PPP1CA: variants seen among roughly 807,000 people sequenced by gnomAD.
The protein encoded by PPP1CA is serine/threonine-protein phosphatase PP1-alpha catalytic subunit.
Under a neutral mutation model 38.5 loss-of-function variants are expected in PPP1CA, and 14 were observed. The observed-to-expected ratio is 0.36, with a 90% CI of 0.24 to 0.57. PPP1CA has a LOEUF of 0.57. Ranked by LOEUF, PPP1CA falls within the 20% of genes least tolerant of loss-of-function variation. The pLI is 0.80. For missense variants in PPP1CA, 277 were observed against 435.2 expected, an observed-to-expected ratio of 0.64 and a Z score of 3.23; for synonymous variants, 200 against 177.3, an observed-to-expected ratio of 1.13 and a Z score of -1.02.
At chr11:67,401,333 T>G in intron 1 of PPP1CA, 134 bp from the exon 2 acceptor site, 1 of 1,466,734 alleles carries the variant, frequency 6.8e-7, no homozygotes, top group South Asian at 1.2e-5. Flanking sequence ...CTGTTGCTGC[T>G]GAGCCTCCCG....
At chr11:67,401,663 G>C in intron 1 of PPP1CA, 65 bp downstream of exon 1, 2 of 1,240,340 alleles carry the variant, frequency 1.6e-6, no homozygotes, top group Non-Finnish European at 2.0e-6. Flanking sequence ...CCGCCCGCGC[G>C]CCACTTCCGG....
chr11:67,401,487 G>A, intron 1 of PPP1CA: 2 of 581,546 alleles, frequency 3.4e-6, no homozygotes, highest in Non-Finnish European at 5.8e-6. Flanking sequence ...TTTCTCCCTC[G>A]CCCCAAGAGC....
Position 67,399,075 on chromosome 11 carries a change from C to T in PPP1CA, c.612G>A (p.Leu204=). The change falls in exon 5 of 7, where the codon CTG becomes CTA. Residue 204 remains leucine, a synonymous_variant. Transcript: ENST00000376745. The part of the protein sequence containing the change: ...DVPDQGLLCD[L]LWSDPDKDVQ... Reference sequence around the variant, plus strand: ...CGTCCTTGTCAGGGTCAGACCACAGCAGGTCACACAGCAGGCCCTGGTCAG... The same window carrying T: ...CGTCCTTGTCAGGGTCAGACCACAGTAGGTCACACAGCAGGCCCTGGTCAG... 6.2e-7 allele frequency: 1 copy of T among 1,613,688 alleles called. No homozygotes were observed. The highest frequency in any genetic ancestry group is 8.5e-7 in the Non-Finnish European group (1 of 1,180,044).
chr11:67,401,631 A>G, intron 1 of PPP1CA, 97 bp downstream of exon 1: 2 of 1,078,184 alleles, frequency 1.9e-6, no homozygotes, highest in Non-Finnish European at 2.4e-6. Flanking sequence ...GTCCCCGCCC[A>G]GTCTAAGCTG....
At position 67,399,632 on chromosome 11, in the gene PPP1CA, G is replaced by C. The variant is rs758799561; in HGVS notation, c.452C>G (p.Thr151Ser). ...CAGGCAGTTGAAGCAGTCAGTGAAG[G>C]TTTTCCACAGTTTGATGTTGTAGCG... ...KRRYNIKLWK[T>S]FTDCFNCLPI... is the part of the protein sequence containing the mutation. The change falls in exon 4 of 7, where the codon ACC becomes AGC. Residue 151 changes from threonine (T) to serine (S), a missense_variant. Thr to Ser is a moderately conservative substitution (Grantham distance 58). Around this residue, in one of 3 missense-constraint regions of PPP1CA, gnomAD observed 180 missense variants for 356.7 expected, o/e 0.50. Coordinates refer to ENST00000376745, the MANE Select transcript of PPP1CA (RefSeq NM_002708.4). The C allele has an allele frequency of 6.2e-7, 1 of 1,613,964 alleles. No individual in the cohort carries two copies. The highest frequency in any genetic ancestry group is 2.2e-5 in the East Asian group (1 of 44,902).
At position 67,399,563 on chromosome 11, in the gene PPP1CA, C is replaced by T; in HGVS notation, c.521G>A (p.Gly174Glu). 1.9e-6 allele frequency: 3 copies of T among 1,613,956 alleles called. No homozygotes were observed. Among genetic ancestry groups the T allele is most frequent in the Non-Finnish European group, 2.5e-6 (3 of 1,179,870 alleles). ...TCCCCAGCCATCCCCTCCCTCACCT[C>T]CGTGGCAGCAGAAGATCTTTTCGTC... is the stretch of plus-strand genomic sequence containing the variant. ...IVDEKIFCCHGGLSPDLQSME... is the reference protein window; with the variant it reads ...IVDEKIFCCHEGLSPDLQSME... Residue 174 changes from glycine to glutamate, a missense_variant and splice_region_variant, in exon 4 of 7, where the codon GGA (glycine) becomes GAA (glutamate). Physicochemically the swap from Gly to Glu is moderately conservative, Grantham distance 98. Transcript: ENST00000376745.
chr11:67,401,661 G>A (rs900271040), intron 1 of PPP1CA, 67 bp downstream of exon 1: 70 of 1,232,372 alleles, frequency 5.7e-5, no homozygotes, highest in Non-Finnish European at 6.9e-5. Context: ...GCCCGCCCGC[G>A]CGCCACTTCC....
rs781309349 is a variant in PPP1CA, at chr11:67,398,455, G to A, written c.*80C>T. 9.0e-6 allele frequency: 13 copies of A among 1,439,810 alleles called. No individual in the cohort carries two copies. Among genetic ancestry groups the A allele is most frequent in the African/African-American group, 2.8e-5 (2 of 70,978 alleles). The allele number at this position is 1,439,810 out of a possible 1,614,324, so 89.2% of individuals were successfully genotyped here. A position where few individuals can be genotyped will look rare whatever the true frequency, so the allele number is the denominator to read the frequency against. ...CCGTGACAGGTGGGCCTGAGGGGTCGGGGTGACCCCCCCCCAGCATGGCAG... is the reference window on the plus strand; with the variant it reads ...CCGTGACAGGTGGGCCTGAGGGGTCAGGGTGACCCCCCCCCAGCATGGCAG... On this transcript the variant is annotated 3_prime_UTR_variant, in exon 7 of 7. Coordinates refer to ENST00000376745, the MANE Select transcript of PPP1CA (RefSeq NM_002708.4).
intron 4 of PPP1CA, 114 bp downstream of exon 4, chr11:67,399,447 G>T: frequency 1.1e-6 from 1 of 921,610 alleles, no homozygotes; most frequent in Non-Finnish European, 1.7e-6. Context: ...AGCACAGTGG[G>T]GTATGGGGGA....
intron 3 of PPP1CA, among the ~76,000 whole-genome samples, chr11:67,400,420 A>G (rs1862860048): frequency 6.6e-6 from 1 of 152,194 alleles, no homozygotes; most frequent in Non-Finnish European, 1.5e-5. Context: ...AAACATCCTA[A>G]GTGCTTAGTA....
At chr11:67,400,941 A>G (rs1462219366) in intron 2 of PPP1CA, 22 bp from the exon 3 acceptor site, 1 of 1,611,650 alleles carries the variant, frequency 6.2e-7, no homozygotes, top group Non-Finnish European at 8.5e-7. Flanking sequence ...GGAACCGGGT[A>G]AGCTAGATGC....
At position 67,399,676 on chromosome 11, in the gene PPP1CA, G is replaced by T. The variant is rs1306282210; in HGVS notation, c.419-11C>A. On this transcript the variant is annotated splice_polypyrimidine_tract_variant and intron_variant, in intron 3 of 6. Transcript: ENST00000376745. ...TGTAGCGTCTCTTGCCTGCCCAGGG[G>T]GAGGTGGCTGTGAGGTGCCTGCCTA... 4 of 1,607,916 alleles carry T rather than the reference G, an allele frequency of 2.5e-6. No individual in the cohort carries two copies. The highest frequency in any genetic ancestry group is 3.4e-6 in the Non-Finnish European group (4 of 1,176,630).
chr11:67,398,468 C>CA lies in PPP1CA; in HGVS notation c.*66_*67insT. 6.6e-7 allele frequency: 1 copy of CA among 1,520,954 alleles called. No homozygotes were observed. The highest frequency in any genetic ancestry group is 9.0e-7 in the Non-Finnish European group (1 of 1,108,262). The allele number at this position is 1,520,954 out of a possible 1,614,324, so 94.2% of individuals were successfully genotyped here. ...GCCTGAGGGGTCGGGGTGACCCCCC[C>CA]CCAGCATGGCAGCATGATTTCTGTA... On this transcript the variant is annotated 3_prime_UTR_variant, in exon 7 of 7. Coordinates refer to ENST00000376745, the MANE Select transcript of PPP1CA (RefSeq NM_002708.4).
In PPP1CA at chr11:67,399,175, G is replaced by A. The variant is rs760887946; in HGVS notation, c.524-12C>T. 1 of 1,608,490 alleles carries A rather than the reference G, an allele frequency of 6.2e-7. No homozygotes were observed. Among genetic ancestry groups the A allele is most frequent in the Non-Finnish European group, 8.5e-7 (1 of 1,176,110 alleles). On this transcript the variant is annotated splice_polypyrimidine_tract_variant and intron_variant, in intron 4 of 6. Transcript: ENST00000376745. The stretch of plus-strand genomic sequence containing the variant: ...GTCCGGGGACAGGCCTGGGGGGCCG[G>A]GGGAAGGTCACTTCCTCAAACAAGG...
In PPP1CA at chr11:67,398,227, C is replaced by T. The variant is rs765380880; in HGVS notation, c.*308G>A. 7 of 422,058 alleles carry T rather than the reference C, an allele frequency of 1.7e-5. No individual in the cohort carries two copies. The highest frequency in any genetic ancestry group is 3.0e-5 in the Non-Finnish European group (7 of 233,840). 26.1% of individuals were successfully genotyped at this position (422,058 alleles called of 1,614,324 possible). A position where few individuals can be genotyped will look rare whatever the true frequency, so the allele number is the denominator to read the frequency against. On this transcript the variant is annotated 3_prime_UTR_variant, in exon 7 of 7. Coordinates refer to ENST00000376745, the MANE Select transcript of PPP1CA (RefSeq NM_002708.4). ...TTATTCAAGAGACCAGATGGGTTGC[C>T]CCAGGATCCGGCTGCCAGCCCTGAG... is the stretch of plus-strand genomic sequence containing the variant.
chr11:67,399,153 C>G lies in PPP1CA; in HGVS notation c.534G>C (p.Pro178=). 1 of 1,613,016 alleles carries G rather than the reference C, an allele frequency of 6.2e-7. No homozygotes were observed. Among genetic ancestry groups the G allele is most frequent in the Non-Finnish European group, 8.5e-7 (1 of 1,179,762 alleles). Residue 178 remains proline (P), a synonymous_variant, in exon 5 of 7, where the codon CCG becomes CCC. Coordinates refer to ENST00000376745, the MANE Select transcript of PPP1CA (RefSeq NM_002708.4). ...KIFCCHGGLS[P]DLQSMEQIRR... Reference sequence around the variant, plus strand: ...GAATCTGCTCCATAGACTGCAGGTCCGGGGACAGGCCTGGGGGGCCGGGGG... The same window carrying G: ...GAATCTGCTCCATAGACTGCAGGTCGGGGGACAGGCCTGGGGGGCCGGGGG...
Position 67,401,101 on chromosome 11 carries a change from G to A in PPP1CA, c.154C>T (p.Leu52Phe), listed in dbSNP as rs781160417. Residue 52 changes from leucine (L) to phenylalanine (F), a missense_variant, in exon 2 of 7, where the codon CTT (leucine) becomes TTT (phenylalanine). Transcript: ENST00000376745. ...SREIFLSQPI[L>F]LELEAPLKIC... Reference sequence around the variant, plus strand: ...TTGAGGGGTGCCTCCAGCTCCAGAAGAATGGGCTGGCTCAGAAAAATCTCC... The same window carrying A: ...TTGAGGGGTGCCTCCAGCTCCAGAAAAATGGGCTGGCTCAGAAAAATCTCC... 6 of 1,613,962 alleles carry A rather than the reference G, an allele frequency of 3.7e-6. No individual in the cohort carries two copies. The highest frequency in any genetic ancestry group is 5.1e-6 in the Non-Finnish European group (6 of 1,180,010).
At chr11:67,401,591 G>C in intron 1 of PPP1CA, 137 bp downstream of exon 1, 1 of 762,134 alleles carries the variant, frequency 1.3e-6, no homozygotes, top group East Asian at 3.7e-5. Flanking sequence ...TCCGCGGGGG[G>C]GCAGCTGCGG....
In PPP1CA at chr11:67,400,902, A is replaced by C; in HGVS notation, c.205T>G (p.Tyr69Asp). 1 of 1,614,070 alleles carries C rather than the reference A, an allele frequency of 6.2e-7. No individual in the cohort carries two copies. Among genetic ancestry groups the C allele is most frequent in the Non-Finnish European group, 8.5e-7 (1 of 1,179,996 alleles). Residue 69 changes from tyrosine (Y) to aspartate (D), a missense_variant, in exon 3 of 7, where the codon TAC (tyrosine) becomes GAC (aspartate). Coordinates refer to ENST00000376745, the MANE Select transcript of PPP1CA (RefSeq NM_002708.4). ...TCAAATAGTCGCAGAAGGTCGTAGT[A>C]CTGGCCGTGTATGTCACCTGTGACC... ...LKICGDIHGQ[Y>D]YDLLRLFEYG...
Sources: allele counts gnomAD v4.1 joint callset (sites outside exome capture counted in the v4.1 genomes callset), GRCh38; gene constraint gnomAD v4.1.1; regional missense constraint gnomAD v4.1.1; transcripts MANE v1.5; gene names NCBI Gene and HGNC (gene_info 2026-07-23, HGNC 2026-07-21).